MBD5: variants seen among roughly 807,000 people sequenced by gnomAD.
MBD5 encodes the protein methyl-CpG-binding domain protein 5.
Under a neutral mutation model 117.3 loss-of-function variants are expected in MBD5, and 13 were observed. The ratio of observed to expected loss-of-function variants is 0.11; its 90% CI spans 0.07 to 0.18. The LOEUF (loss-of-function observed/expected upper bound fraction) is 0.18, where lower values mean the gene tolerates loss of function less well. Among genes scored for constraint, MBD5 ranks in the 10% least tolerant of loss-of-function variants. The probability of loss-of-function intolerance (pLI) is 1.00; values close to 1 mark genes in which losing one functional copy is unlikely to be tolerated. For synonymous variants in MBD5, 727 were observed against 766.4 expected (o/e 0.95, Z 0.85); for missense variants, 1,879 against 2,093.8 (o/e 0.90, Z 2.00).
At chr2:148,337,280 GTA>G (rs1409217939) in intron 3 of MBD5, among the ~76,000 whole-genome samples, 2 of 151,788 alleles carry the variant, frequency 1.3e-5, no homozygotes, top group Non-Finnish European at 2.9e-5. Context: ...GTTTTTAGTG[GTA>G]TGTTTTTACA....
intron 4 of MBD5, among the ~76,000 whole-genome samples, chr2:148,419,979 CCTT>C (rs1465683673): frequency 3.3e-5 from 5 of 152,120 alleles, no homozygotes; most frequent in Non-Finnish European, 7.4e-5. Context: ...CAAATTTAGT[CCTT>C]CTCTATTCAT....
intron 1 of MBD5, among the ~76,000 whole-genome samples, chr2:148,069,430 G>GT (rs909568960): frequency 8.1e-4 from 121 of 150,048 alleles, no homozygotes; most frequent in Non-Finnish European, 1.2e-3. Flanking sequence ...GGCATTCATA[G>GT]TTTTTTTTTA....
intron 1 of MBD5, among the ~76,000 whole-genome samples, chr2:148,087,052 G>C (rs967196373): frequency 3.9e-5 from 6 of 152,100 alleles, no homozygotes; most frequent in Admixed American, 2.6e-4. Flanking sequence ...TAGGAGACAG[G>C]GCTGACCTGC....
rs773406626 is a variant in MBD5, at chr2:148,490,561, C to T, written c.4929C>T (p.His1643=). The change falls in exon 11 of 14, where the codon CAC becomes CAT. Residue 1643 remains histidine (H), a synonymous_variant. Transcript: ENST00000642680. The part of the protein sequence containing the change: ...PGKLVREDDV[H]NSCQQSPEEG... ...AATTAGTAAGAGAAGACGACGTTCA[C>T]AATTCATGTCAACAAAGCCCCGAGG... 6 of 1,614,198 alleles carry T rather than the reference C, an allele frequency of 3.7e-6. No individual in the cohort carries two copies. Among genetic ancestry groups the T allele is most frequent in the Admixed American group, 1.7e-5 (1 of 60,020 alleles).
intron 1 of MBD5, among the ~76,000 whole-genome samples, chr2:148,051,353 T>C (rs192685633): frequency 1.3e-5 from 2 of 152,196 alleles, no homozygotes; most frequent in African/African-American, 4.8e-5. Context: ...GATTATGTCA[T>C]CTGCAAATAG....
At chr2:148,119,827 C>T (rs1377134522) in intron 1 of MBD5, among the ~76,000 whole-genome samples, 1 of 151,856 alleles carries the variant, frequency 6.6e-6, no homozygotes, top group Non-Finnish European at 1.5e-5. Context: ...GGATTTACTT[C>T]TGACTCTCTG....
chr2:148,396,334 T>C (rs1704713589), intron 4 of MBD5, among the ~76,000 whole-genome samples: 1 of 152,222 alleles, frequency 6.6e-6, no homozygotes, highest in Non-Finnish European at 1.5e-5. Flanking sequence ...ATGGTGACCA[T>C]GCACAGCGGC....
At chr2:148,089,111 A>G (rs1695871960) in intron 1 of MBD5, among the ~76,000 whole-genome samples, 1 of 152,150 alleles carries the variant, frequency 6.6e-6, no homozygotes, top group Admixed American at 6.5e-5. Flanking sequence ...ACACAGACAG[A>G]CATTATACAA....
intron 1 of MBD5, among the ~76,000 whole-genome samples, chr2:148,109,700 T>C (rs1054584193): frequency 1.3e-5 from 2 of 152,216 alleles, no homozygotes; most frequent in African/African-American, 2.4e-5. Flanking sequence ...TATAACTCAA[T>C]AAAGCTGTAG....
intron 3 of MBD5, among the ~76,000 whole-genome samples, chr2:148,338,767 C>T (rs1180135449): frequency 6.6e-6 from 1 of 152,108 alleles, no homozygotes; most frequent in African/African-American, 2.4e-5. Flanking sequence ...CAGGAACAGG[C>T]CTTTGTATGC....
At chr2:148,492,753 G>A (rs761713514) in intron 11 of MBD5, among the ~76,000 whole-genome samples, 1 of 151,974 alleles carries the variant, frequency 6.6e-6, no homozygotes, top group Non-Finnish European at 1.5e-5. Context: ...ACCAGAAAAG[G>A]TAAAAATTCA....
chr2:148,138,535 C>T (rs1697227618), intron 1 of MBD5, among the ~76,000 whole-genome samples: 1 of 152,090 alleles, frequency 6.6e-6, no homozygotes, highest in African/African-American at 2.4e-5. Context: ...AAGAATGTCA[C>T]CTCGGGAAAG....
chr2:148,169,792 A>C (rs985037536), intron 1 of MBD5, among the ~76,000 whole-genome samples: 3 of 152,172 alleles, frequency 2.0e-5, no homozygotes, highest in Non-Finnish European at 2.9e-5. Flanking sequence ...TGTCTGGGCA[A>C]GTTGCAAGAG....
intron 1 of MBD5, among the ~76,000 whole-genome samples, chr2:148,120,175 A>G (rs1435916606): frequency 6.6e-6 from 1 of 152,062 alleles, no homozygotes; most frequent in African/African-American, 2.4e-5. Flanking sequence ...CGGCCTCCTA[A>G]AGTGCTGAGA....
intron 3 of MBD5, chr2:148,330,601 GTATGACATC>G (rs1702621723): frequency 1.3e-5 from 2 of 152,310 alleles, no homozygotes. Flanking sequence ...GTGGTTTCAG[GTATGACATC>G]TATTTCTAGT....
chr2:148,473,342 G>A lies in MBD5; in HGVS notation c.2518+2881G>A, dbSNP rs922913493. Among the ~76,000 whole-genome samples the A allele has an allele frequency of 3.5e-4, 53 of 151,882 alleles. 1 individual carries two copies. Among genetic ancestry groups the A allele is most frequent in the African/African-American group, 8.9e-4 (37 of 41,386 alleles). On this transcript the variant is annotated intron_variant, in intron 8 of 13. Transcript: ENST00000642680. ...TAGAATGGGTTTCCTAGTAGGTGAC[G>A]TGTCAGTAGGCCTTTAAAAGAGATG...
chr2:148,355,427 GTCT>G (rs1430834126), intron 4 of MBD5, among the ~76,000 whole-genome samples: 1 of 151,800 alleles, frequency 6.6e-6, no homozygotes, highest in Non-Finnish European at 1.5e-5. Flanking sequence ...TTACATTTAA[GTCT>G]TTAATTCATC....
At chr2:148,425,652 A>G (rs1705755814) in intron 4 of MBD5, among the ~76,000 whole-genome samples, 1 of 152,246 alleles carries the variant, frequency 6.6e-6, no homozygotes, top group Non-Finnish European at 1.5e-5. Flanking sequence ...ATACTGGCAA[A>G]CCAAATCCAG....
At chr2:148,233,769 A>G (rs1700038858) in intron 3 of MBD5, among the ~76,000 whole-genome samples, 1 of 152,136 alleles carries the variant, frequency 6.6e-6, no homozygotes, top group African/African-American at 2.4e-5. Flanking sequence ...ATTATTTTCT[A>G]TTTATTTTAG....
Sources: allele counts gnomAD v4.1 joint callset (sites outside exome capture counted in the v4.1 genomes callset), GRCh38; gene constraint gnomAD v4.1.1; transcripts MANE v1.5; gene names NCBI Gene and HGNC (gene_info 2026-07-23, HGNC 2026-07-21).